The following DACH2 variants were observed in gnomAD, a reference collection of about 807,000 sequenced individuals.
DACH2 encodes the protein dachshund family transcription factor 2.
A neutral mutation model predicts 35.8 loss-of-function variants in DACH2; 17 were observed. The ratio of observed to expected loss-of-function variants is 0.48; its 90% confidence interval spans 0.33 to 0.71. The LOEUF is 0.71. DACH2 is among the 30% of genes least tolerant of loss of function. The pLI, the probability that DACH2 is intolerant of heterozygous loss-of-function variation, is 0.02. For missense variants in DACH2, 469 were observed against 472.7 expected, an observed-to-expected ratio of 0.99 and a Z score of 0.07; for synonymous variants, 195 against 177.3, an observed-to-expected ratio of 1.10 and a Z score of -0.79.
chrX:86,289,929 A>G (rs2034241768), intron 1 of DACH2, among the ~76,000 whole-genome samples: 1 of 107,703 alleles, frequency 9.3e-6, no homozygotes, highest in African/African-American at 3.4e-5. Flanking sequence ...TCCTTTGGGT[A>G]TATACCCAGT....
At chrX:86,402,937 A>T (rs192912016) in intron 2 of DACH2, among the ~76,000 whole-genome samples, 7 of 112,211 alleles carry the variant, frequency 6.2e-5, no homozygotes, top group Admixed American at 1.9e-4. Flanking sequence ...AGGGGAAAGG[A>T]CTTCCTATCC....
intron 7 of DACH2, among the ~76,000 whole-genome samples, chrX:86,751,359 A>T (rs1355224404): frequency 9.0e-6 from 1 of 111,445 alleles, no homozygotes; most frequent in Admixed American, 9.6e-5. Flanking sequence ...CATAAACAGA[A>T]CTAAAGACAA....
intron 1 of DACH2, among the ~76,000 whole-genome samples, chrX:86,150,321 C>T (rs2030319915): frequency 8.9e-6 from 1 of 111,847 alleles, no homozygotes; most frequent in Non-Finnish European, 1.9e-5. Context: ...AAAAAACCAA[C>T]AACTTTCTCA....
chrX:86,207,809 A>G (rs1335443818), intron 1 of DACH2, among the ~76,000 whole-genome samples: 1 of 111,650 alleles, frequency 9.0e-6, no homozygotes, highest in Non-Finnish European at 1.9e-5. Context: ...TATGCTTGTA[A>G]TGATCTGCTT....
At chrX:86,755,044 A>G (rs2041813166) in intron 7 of DACH2, among the ~76,000 whole-genome samples, 1 of 111,638 alleles carries the variant, frequency 9.0e-6, no homozygotes, top group Non-Finnish European at 1.9e-5. Context: ...TATTCCCACT[A>G]ACAGTATATG....
At chrX:86,667,549 A>AAAGAAAGAAAG (rs1569463669) in intron 4 of DACH2, among the ~76,000 whole-genome samples, 17 of 32,375 alleles carry the variant, frequency 5.3e-4, no homozygotes, top group South Asian at 2.9e-3. Flanking sequence ...AAGAAAGAAG[A>AAAGAAAGAAAG]AAGAAAGAAA....
At chrX:86,610,532 G>T (rs756777651) in intron 3 of DACH2, among the ~76,000 whole-genome samples, 17 of 108,200 alleles carry the variant, frequency 1.6e-4, no homozygotes, top group African/African-American at 5.4e-4. Context: ...CACCTGCCAG[G>T]CTCAAGCCAT....
intron 3 of DACH2, among the ~76,000 whole-genome samples, chrX:86,528,655 TCAAA>T (rs2038668437): frequency 8.9e-6 from 1 of 111,933 alleles, no homozygotes; most frequent in Admixed American, 9.5e-5. Flanking sequence ...AAGTTTGAGG[TCAAA>T]CAGTGTCTGG....
intron 2 of DACH2, among the ~76,000 whole-genome samples, chrX:86,403,865 C>T (rs1269414193): frequency 9.0e-6 from 1 of 111,148 alleles, no homozygotes. Context: ...TTGACTCACA[C>T]TTCTGTAGGG....
intron 4 of DACH2, among the ~76,000 whole-genome samples, chrX:86,692,981 G>GTCTTATTGA (rs1255388782): frequency 1.8e-5 from 2 of 112,054 alleles, no homozygotes; most frequent in Non-Finnish European, 3.8e-5. Flanking sequence ...GTATAACAAT[G>GTCTTATTGA]TCTTATTGAT....
At chrX:86,744,996 G>A (rs1322395067) in intron 7 of DACH2, among the ~76,000 whole-genome samples, 1 of 110,343 alleles carries the variant, frequency 9.1e-6, no homozygotes, top group Admixed American at 9.7e-5. Flanking sequence ...TCAGGAATAG[G>A]GTTTTTGTGA....
At chrX:86,646,947 G>A (rs900922527) in intron 3 of DACH2, among the ~76,000 whole-genome samples, 2 of 108,593 alleles carry the variant, frequency 1.8e-5, no homozygotes, top group South Asian at 3.9e-4. Context: ...TAATCATCAG[G>A]GAAATGCAAA....
chrX:86,660,841 A>G (rs776722921), intron 4 of DACH2, among the ~76,000 whole-genome samples: 16 of 111,513 alleles, frequency 1.4e-4, no homozygotes, highest in Admixed American at 1.2e-3. Context: ...TTACTTTTTT[A>G]AAGGCAGTTT....
In DACH2 at chrX:86,795,533, G is replaced by A. The variant is rs188225907; in HGVS notation, c.1241-17323G>A. On this transcript the variant is annotated intron_variant, in intron 7 of 11. Coordinates refer to ENST00000373125, the MANE Select transcript of DACH2 (RefSeq NM_053281.3). ...CAGGCGTTAGCCACCGCGCCCGGCC[G>A]CATGTTCCTTAAGGTTATCCAAAGC... 6.2e-5 allele frequency among the ~76,000 whole-genome samples: 7 copies of A among 112,209 alleles called. No homozygotes were observed. The East Asian group carries it at 8.4e-4, about 14-fold the overall frequency.
At chrX:86,543,770 G>T (rs1281413770) in intron 3 of DACH2, among the ~76,000 whole-genome samples, 1 of 99,483 alleles carries the variant, frequency 1.0e-5, no homozygotes, top group Non-Finnish European at 2.0e-5. Context: ...TCACTCATAG[G>T]TGGGAATTGA....
intron 2 of DACH2, among the ~76,000 whole-genome samples, chrX:86,415,211 T>G (rs2036682934): frequency 8.9e-6 from 1 of 112,010 alleles, no homozygotes; most frequent in Non-Finnish European, 1.9e-5. Flanking sequence ...ATAAAGCAAT[T>G]TGGACTGACA....
At chrX:86,750,731 C>T (rs1437392180) in intron 7 of DACH2, among the ~76,000 whole-genome samples, 2 of 111,896 alleles carry the variant, frequency 1.8e-5, no homozygotes, top group Non-Finnish European at 3.8e-5. Flanking sequence ...AGCCAAATGT[C>T]CACCAGGTTC....
chrX:86,397,205 G>A (rs1048576490), intron 2 of DACH2, among the ~76,000 whole-genome samples: 1 of 111,272 alleles, frequency 9.0e-6, no homozygotes, highest in Non-Finnish European at 1.9e-5. Context: ...TGTTTTTGGT[G>A]TATAAAAATG....
intron 1 of DACH2, among the ~76,000 whole-genome samples, chrX:86,193,602 G>C (rs1165294863): frequency 8.9e-6 from 1 of 111,760 alleles, no homozygotes; most frequent in Non-Finnish European, 1.9e-5. Flanking sequence ...TAACAGTATA[G>C]TGAGTCAGGG....
Sources: gnomAD v4.1 joint callset for allele counts (sites outside exome capture counted in the v4.1 genomes callset) on GRCh38, gnomAD v4.1.1 for gene constraint, MANE v1.5 for transcripts, NCBI Gene and HGNC (gene_info 2026-07-23, HGNC 2026-07-21) for gene names.